The following VTI1A variants were observed in gnomAD, a reference collection of about 807,000 sequenced individuals.
VTI1A encodes the protein vesicle transport through interaction with t-SNAREs 1A, also known as vesicle transport through interaction with t-SNAREs homolog 1A.
In VTI1A, 22 loss-of-function variants were observed where a neutral mutation model predicts 34.9. The ratio of observed to expected loss-of-function variants is 0.63; its 90% CI spans 0.45 to 0.90. The LOEUF (loss-of-function observed/expected upper bound fraction) is 0.90, where lower values mean the gene tolerates loss of function less well. Ranked by LOEUF, VTI1A falls within the 40% of genes least tolerant of loss-of-function variation. The probability of loss-of-function intolerance (pLI) is 0.00; values close to 1 mark genes in which losing one functional copy is unlikely to be tolerated. For missense variants in VTI1A, 268 were observed against 275.6 expected (o/e 0.97, Z 0.20); for synonymous variants, 87 against 97.3 (o/e 0.89, Z 0.62).
intron 7 of VTI1A, among the ~76,000 whole-genome samples, chr10:112,705,043 G>A (rs1434069325): frequency 9.3e-5 from 14 of 151,246 alleles, no homozygotes; most frequent in African/African-American, 2.7e-4. Flanking sequence ...CTGCAGGCAC[G>A]TGCCACCATG....
intron 7 of VTI1A, among the ~76,000 whole-genome samples, chr10:112,803,372 T>C (rs1852945757): frequency 6.6e-6 from 1 of 152,214 alleles, no homozygotes; most frequent in Non-Finnish European, 1.5e-5. Context: ...CCAGCCTCCT[T>C]CTTCATTTTA....
At chr10:112,784,833 A>G (rs1288542690) in intron 7 of VTI1A, among the ~76,000 whole-genome samples, 1 of 152,232 alleles carries the variant, frequency 6.6e-6, no homozygotes, top group Non-Finnish European at 1.5e-5. Flanking sequence ...TGGGGAAAGC[A>G]TGCCTAAGAA....
chr10:112,592,333 A>G (rs1844425615), intron 5 of VTI1A, among the ~76,000 whole-genome samples: 1 of 152,196 alleles, frequency 6.6e-6, no homozygotes. Context: ...CATCTGTTAC[A>G]GCAACAACAA....
intron 5 of VTI1A, among the ~76,000 whole-genome samples, chr10:112,589,380 C>T (rs1426631091): frequency 6.6e-6 from 1 of 152,144 alleles, no homozygotes; most frequent in Non-Finnish European, 1.5e-5. Flanking sequence ...CTCTCTCTTG[C>T]CACTGCTATG....
chr10:112,806,582 A>C (rs1853088834), intron 7 of VTI1A, among the ~76,000 whole-genome samples: 1 of 142,546 alleles, frequency 7.0e-6, no homozygotes, highest in African/African-American at 2.6e-5. Context: ...CACCGTGCCC[A>C]GCCTTATTTT....
chr10:112,671,566 T>A (rs577812723), intron 7 of VTI1A, among the ~76,000 whole-genome samples: 38 of 152,320 alleles, frequency 2.5e-4, no homozygotes, highest in Non-Finnish European at 4.7e-4. Flanking sequence ...TTTTAAACCT[T>A]GATTGTTCTT....
chr10:112,811,712 A>AAAAAAAAAAAAAGAT lies in VTI1A; in HGVS notation c.561-3578_561-3577insAAAAAAAAAAAAGAT, dbSNP rs67154330. Among the ~76,000 whole-genome samples the AAAAAAAAAAAAAGAT allele has an allele frequency of 2.7e-3, 228 of 84,042 alleles. 75 individuals carry two copies. The highest frequency in any genetic ancestry group is 8.0e-3 in the African/African-American group (169 of 21,078). 55.1% of individuals were successfully genotyped at this position (84,042 alleles called of 152,430 possible). ...AAAAAAAAAAAAAAAAAAAAAAAAAAGAGTGCAGTCCATGCCTGGAAGTAG... is the reference window on the plus strand; with the variant it reads ...AAAAAAAAAAAAAAAAAAAAAAAAAAAAAAAAAAAAAAGATGAGTGCAGTCCATGCCTGGAAGTAG... On this transcript the variant is annotated intron_variant, in intron 7 of 7. Transcript: ENST00000393077.
intron 7 of VTI1A, among the ~76,000 whole-genome samples, chr10:112,813,977 C>T (rs945188219): frequency 2.6e-5 from 4 of 152,054 alleles, no homozygotes; most frequent in Admixed American, 1.3e-4. Context: ...TAGGGGGCCA[C>T]GAGGGAGTGG....
intron 5 of VTI1A, among the ~76,000 whole-genome samples, chr10:112,560,753 C>T (rs546762665): frequency 1.3e-5 from 2 of 151,972 alleles, no homozygotes; most frequent in African/African-American, 4.8e-5. Context: ...CGCACCATCA[C>T]GCCCAGCTAA....
intron 7 of VTI1A, among the ~76,000 whole-genome samples, chr10:112,803,651 A>C (rs898635704): frequency 1.3e-5 from 2 of 152,202 alleles, no homozygotes; most frequent in Non-Finnish European, 2.9e-5. Context: ...CTGTAATCCC[A>C]GCTACTCAGG....
chr10:112,671,522 T>C (rs1847844933), intron 7 of VTI1A, among the ~76,000 whole-genome samples: 1 of 152,224 alleles, frequency 6.6e-6, no homozygotes, highest in Non-Finnish European at 1.5e-5. Flanking sequence ...AGTTGCTTTA[T>C]TTAAAAGAAA....
intron 7 of VTI1A, among the ~76,000 whole-genome samples, chr10:112,751,750 A>T (rs1279536642): frequency 6.6e-6 from 1 of 152,238 alleles, no homozygotes; most frequent in African/African-American, 2.4e-5. Context: ...ATTATAGAAT[A>T]GTGCAGAAAG....
intron 3 of VTI1A, among the ~76,000 whole-genome samples, chr10:112,503,279 T>C (rs1849308451): frequency 6.6e-6 from 1 of 152,184 alleles, no homozygotes; most frequent in South Asian, 2.1e-4. Flanking sequence ...CCCATCCTTC[T>C]ACGCCTGTGG....
the VTI1A span, among the ~76,000 whole-genome samples, chr10:112,836,227 T>TG: frequency 6.6e-6 from 1 of 152,198 alleles, no homozygotes. Flanking sequence ...TGGGAAGTGC[T>TG]GGGGGGTGCA....
At chr10:112,802,166 G>A (rs553858881) in intron 7 of VTI1A, among the ~76,000 whole-genome samples, 16 of 152,310 alleles carry the variant, frequency 1.1e-4, no homozygotes, top group African/African-American at 3.8e-4. Flanking sequence ...GATCACTTGA[G>A]CCCAGGAGGT....
At chr10:112,807,479 G>C (rs573320048) in intron 7 of VTI1A, among the ~76,000 whole-genome samples, 5 of 152,070 alleles carry the variant, frequency 3.3e-5, no homozygotes, top group African/African-American at 9.7e-5. Flanking sequence ...CCATCTTCAC[G>C]TGCCCCTCTT....
At chr10:112,464,413 G>A (rs1847830067) in intron 2 of VTI1A, 134 bp from the exon 3 acceptor site, 1 of 695,052 alleles carries the variant, frequency 1.4e-6, no homozygotes, top group Non-Finnish European at 2.4e-6. Flanking sequence ...AGTGTTATTT[G>A]ATCATTCAGC....
intron 7 of VTI1A, among the ~76,000 whole-genome samples, chr10:112,678,558 C>T (rs1286523888): frequency 4.6e-5 from 7 of 152,190 alleles, no homozygotes; most frequent in African/African-American, 7.2e-5. Flanking sequence ...CTTTATAAAT[C>T]GAGAGTTAGG....
chr10:112,802,564 G>A (rs1852910962), intron 7 of VTI1A, among the ~76,000 whole-genome samples: 1 of 152,202 alleles, frequency 6.6e-6, no homozygotes, highest in South Asian at 2.1e-4. Context: ...AACCTGAGCT[G>A]CTCATGCAGG....
Sources: allele counts gnomAD v4.1 joint callset (sites outside exome capture counted in the v4.1 genomes callset), GRCh38; gene constraint gnomAD v4.1.1; transcripts MANE v1.5; gene names NCBI Gene and HGNC (gene_info 2026-07-23, HGNC 2026-07-21).